Variants in SOCS6 observed in about 807,000 individuals in gnomAD.
The protein encoded by SOCS6 is suppressor of cytokine signaling 6, also known as STAT induced STAT inhibitor-4.
Under a neutral mutation model 27.7 loss-of-function variants are expected in SOCS6, and 5 were observed. The ratio of observed to expected loss-of-function variants is 0.18; its 90% CI spans 0.09 to 0.38. SOCS6 has a LOEUF of 0.38. SOCS6 is among the 10% of genes least tolerant of loss of function. SOCS6 has a pLI of 1.00. For synonymous variants in SOCS6, 271 were observed against 260.0 expected, an observed-to-expected ratio of 1.04 and a Z score of -0.41; for missense variants, 595 against 688.1, an observed-to-expected ratio of 0.86 and a Z score of 1.51.
intron 1 of SOCS6, among the ~76,000 whole-genome samples, chr18:70,318,357 A>T (rs1311150127): frequency 6.6e-6 from 1 of 152,146 alleles, no homozygotes; most frequent in Non-Finnish European, 1.5e-5. Context: ...AAATACAAAA[A>T]AAAGTTTGCA....
chr18:70,318,453 A>G (rs1198835856), intron 1 of SOCS6, among the ~76,000 whole-genome samples: 1 of 152,216 alleles, frequency 6.6e-6, no homozygotes, highest in African/African-American at 2.4e-5. Context: ...GATCTCAAGT[A>G]GAACACACTT....
chr18:70,292,482 G>A (rs1344635630), intron 1 of SOCS6, among the ~76,000 whole-genome samples: 1 of 152,150 alleles, frequency 6.6e-6, no homozygotes, highest in Non-Finnish European at 1.5e-5. Context: ...CAGTTGTTGG[G>A]ACCACAAGTG....
intron 1 of SOCS6, among the ~76,000 whole-genome samples, chr18:70,297,457 T>G (rs1346834170): frequency 6.6e-6 from 1 of 152,168 alleles, no homozygotes; most frequent in African/African-American, 2.4e-5. Context: ...TAAATAAAAG[T>G]AGTGTTTTCA....
At chr18:70,293,740 A>T (rs930752624) in intron 1 of SOCS6, among the ~76,000 whole-genome samples, 2 of 152,124 alleles carry the variant, frequency 1.3e-5, no homozygotes, top group Admixed American at 6.5e-5. Context: ...AAAAAACTTA[A>T]GGTTTTGTTC....
intron 1 of SOCS6, among the ~76,000 whole-genome samples, chr18:70,310,226 A>G (rs1220493447): frequency 7.2e-5 from 11 of 152,014 alleles, no homozygotes; most frequent in Non-Finnish European, 1.5e-5. Context: ...CTTTTGGGGA[A>G]GGAGATTTAT....
intron 1 of SOCS6, among the ~76,000 whole-genome samples, chr18:70,300,407 G>A (rs1389588740): frequency 6.6e-6 from 1 of 152,208 alleles, no homozygotes; most frequent in Non-Finnish European, 1.5e-5. Flanking sequence ...GGGATTACAG[G>A]TGTGAGCCAC....
chr18:70,321,025 C>T (rs140469301), intron 1 of SOCS6, among the ~76,000 whole-genome samples: 2,038 of 151,840 alleles, frequency 0.013, 29 homozygotes, highest in South Asian at 0.04. Context: ...ACCTGTAATC[C>T]CAGCACTTTG....
rs760986400 is a variant in SOCS6, at chr18:70,324,649, G to C, written c.-20G>C. The C allele has an allele frequency of 1.4e-5, 21 of 1,479,852 alleles. No individual in the cohort carries two copies. Among genetic ancestry groups the C allele is most frequent in the African/African-American group, 2.8e-5 (2 of 70,868 alleles). 91.7% of individuals were successfully genotyped at this position (1,479,852 alleles called of 1,614,324 possible). A position where few individuals can be genotyped will look rare whatever the true frequency, so the allele number is the denominator to read the frequency against. On this transcript the variant is annotated 5_prime_UTR_variant, in exon 2 of 2. Coordinates refer to ENST00000397942, the MANE Select transcript of SOCS6 (RefSeq NM_004232.4). ...TTCCAGATAGAAATATTGATCCCTT[G>C]GATTAGGTAACTAGTCATAATGAAG...
At chr18:70,298,657 T>C (rs2062334875) in intron 1 of SOCS6, among the ~76,000 whole-genome samples, 1 of 152,218 alleles carries the variant, frequency 6.6e-6, no homozygotes, top group East Asian at 1.9e-4. Flanking sequence ...CCATTATCAA[T>C]GTTGCCCAGG....
chr18:70,328,447 A>C lies in SOCS6; in HGVS notation c.*2171A>C, dbSNP rs1174940007. On this transcript the variant is annotated 3_prime_UTR_variant, in exon 2 of 2. Coordinates refer to ENST00000397942, the MANE Select transcript of SOCS6 (RefSeq NM_004232.4). ...CATAACCTATTCCCTTCGTTTTCTCATCATGCCATGTGTTTAAGATCTACC... is the reference window on the plus strand; with the variant it reads ...CATAACCTATTCCCTTCGTTTTCTCCTCATGCCATGTGTTTAAGATCTACC... The C allele has an allele frequency of 1.2e-5, 2 of 166,144 alleles. No homozygotes were observed. The highest frequency in any genetic ancestry group is 4.9e-5 in the African/African-American group (2 of 41,186). 10.3% of individuals were successfully genotyped at this position (166,144 alleles called of 1,614,324 possible). A position where few individuals can be genotyped will look rare whatever the true frequency, so the allele number is the denominator to read the frequency against.
chr18:70,327,309 C>T lies in SOCS6; in HGVS notation c.*1033C>T, dbSNP rs1911246658. 1 of 166,586 alleles carries T rather than the reference C, an allele frequency of 6.0e-6. No individual in the cohort carries two copies. Among genetic ancestry groups the T allele is most frequent in the African/African-American group, 2.4e-5 (1 of 41,350 alleles). The allele number at this position is 166,586 out of a possible 1,614,324, so 10.3% of individuals were successfully genotyped here. Reference sequence around the variant, plus strand: ...TAAATTGATTTGAATAGAAAGAAAACATTGTTTTAAAGTTGGATTTATATT... The same window carrying T: ...TAAATTGATTTGAATAGAAAGAAAATATTGTTTTAAAGTTGGATTTATATT... On this transcript the variant is annotated 3_prime_UTR_variant, in exon 2 of 2. Coordinates refer to ENST00000397942, the MANE Select transcript of SOCS6 (RefSeq NM_004232.4).
chr18:70,293,818 C>T (rs776099734), intron 1 of SOCS6, among the ~76,000 whole-genome samples: 6 of 151,942 alleles, frequency 3.9e-5, no homozygotes, highest in Admixed American at 1.3e-4. Flanking sequence ...GATAGCCGGG[C>T]GCGGTGGCTC....
rs769093084 is a variant in SOCS6, at chr18:70,324,630, A to G, written c.-39A>G. On this transcript the variant is annotated 5_prime_UTR_variant, in exon 2 of 2. Transcript: ENST00000397942. ...CAGATGTTTGGGGATAATATTCCAG[A>G]TAGAAATATTGATCCCTTGGATTAG... 1 of 1,349,222 alleles carries G rather than the reference A, an allele frequency of 7.4e-7. No homozygotes were observed. The highest frequency in any genetic ancestry group is 2.3e-5 in the East Asian group (1 of 43,574). 83.6% of individuals were successfully genotyped at this position (1,349,222 alleles called of 1,614,324 possible). A position where few individuals can be genotyped will look rare whatever the true frequency, so the allele number is the denominator to read the frequency against.
rs370409325 is a variant in SOCS6 at position 70,300,045 on chromosome 18, A to G, written c.-127+10955A>G. Among the ~76,000 whole-genome samples, 32 of 152,324 alleles carry G rather than the reference A, an allele frequency of 2.1e-4. No individual in the cohort carries two copies. The South Asian group carries it at 3.5e-3, about 17-fold the overall frequency. On this transcript the variant is annotated intron_variant, in intron 1 of 1. Transcript: ENST00000397942. Reference sequence around the variant, plus strand: ...TATAAAGACAGTGATGAATTGGCATATATATTTACTACTTCTTAAATGCAA... The same window carrying G: ...TATAAAGACAGTGATGAATTGGCATGTATATTTACTACTTCTTAAATGCAA...
At position 70,303,129 on chromosome 18, in the gene SOCS6, G is replaced by A. The variant is rs929094587; in HGVS notation, c.-127+14039G>A. Among the ~76,000 whole-genome samples the A allele has an allele frequency of 6.6e-5, 10 of 152,142 alleles. No homozygotes were observed. The South Asian group carries it at 2.1e-3, about 32-fold the overall frequency. ...GTTAACAGTTCTGCTGTACTTTGTG[G>A]TCCAGTTTTCCTCCCTATTCTTTCT... On this transcript the variant is annotated intron_variant, in intron 1 of 1. Transcript: ENST00000397942.
At chr18:70,304,321 A>G (rs1165478854) in intron 1 of SOCS6, among the ~76,000 whole-genome samples, 22 of 152,098 alleles carry the variant, frequency 1.4e-4, no homozygotes, top group East Asian at 1.9e-4. Context: ...CGTGTGATAA[A>G]TTTTTTTGTT....
At position 70,329,014 on chromosome 18, in the gene SOCS6, C is replaced by T. The variant is rs570417327; in HGVS notation, c.*2738C>T. ...AAAAAGAAAACAGGAAAGCTGTATC[C>T]ATTTGCCATAATAGATGAATCAGAA... On this transcript the variant is annotated 3_prime_UTR_variant, in exon 2 of 2. Transcript: ENST00000397942. 6.0e-6 allele frequency: 1 copy of T among 167,086 alleles called. No individual in the cohort carries two copies. Among genetic ancestry groups the T allele is most frequent in the East Asian group, 1.9e-4 (1 of 5,186 alleles). The allele number at this position is 167,086 out of a possible 1,614,324, so 10.4% of individuals were successfully genotyped here. A position where few individuals can be genotyped will look rare whatever the true frequency, so the allele number is the denominator to read the frequency against.
chr18:70,314,865 G>GTATATATATA (rs59769890), intron 1 of SOCS6, among the ~76,000 whole-genome samples: 7 of 150,176 alleles, frequency 4.7e-5, no homozygotes, highest in Admixed American at 6.6e-5. Context: ...GATTTTGTGT[G>GTATATATATA]TATATATATA....
At chr18:70,320,858 T>C (rs1910959988) in intron 1 of SOCS6, among the ~76,000 whole-genome samples, 1 of 152,210 alleles carries the variant, frequency 6.6e-6, no homozygotes, top group Non-Finnish European at 1.5e-5. Flanking sequence ...CTAGCTGTCT[T>C]CCTTTAGTCA....
Sources: gnomAD v4.1 joint callset for allele counts (sites outside exome capture counted in the v4.1 genomes callset) on GRCh38, gnomAD v4.1.1 for gene constraint, MANE v1.5 for transcripts, NCBI Gene and HGNC (gene_info 2026-07-23, HGNC 2026-07-21) for gene names.